The following PDHX variants were observed in gnomAD, a reference collection of about 807,000 sequenced individuals.
PDHX encodes pyruvate dehydrogenase complex component X.
Under a neutral mutation model 55.3 loss-of-function variants are expected in PDHX, and 33 were observed. That is an observed-to-expected ratio of 0.60 (90% CI 0.45 to 0.80). The LOEUF is 0.80. PDHX is among the 30% of genes least tolerant of loss of function. The pLI, the probability that PDHX is intolerant of heterozygous loss-of-function variation, is 0.00. For synonymous variants in PDHX, 226 were observed against 219.4 expected, an observed-to-expected ratio of 1.03 and a Z score of -0.27; for missense variants, 622 against 619.9, an observed-to-expected ratio of 1.00 and a Z score of -0.04.
rs1179399887 is a variant in PDHX, at chr11:34,951,049, CT to C, written c.342+3468del. Among the ~76,000 whole-genome samples the C allele has an allele frequency of 8.2e-3, 728 of 88,614 alleles. 1 individual carries two copies. The highest frequency in any genetic ancestry group is 0.01 in the African/African-American group (199 of 19,808). The allele number at this position is 88,614 out of a possible 152,430, so 58.1% of individuals were successfully genotyped here. ...CTCTCCAGCACCTTTTGTTTCCTGA[CT>C]TTTTTTTTTTTTTTTTTTTTTTTTG... On this transcript the variant is annotated intron_variant, in intron 3 of 10. Coordinates refer to ENST00000227868, the MANE Select transcript of PDHX (RefSeq NM_003477.3).
chr11:34,954,442 C>G (rs1854858125), intron 3 of PDHX, among the ~76,000 whole-genome samples: 1 of 152,178 alleles, frequency 6.6e-6, no homozygotes, highest in South Asian at 2.1e-4. Context: ...GAGAATGTCT[C>G]TGGTACAGAA....
chr11:34,928,461 C>A (rs536217723), intron 1 of PDHX, among the ~76,000 whole-genome samples: 1 of 150,956 alleles, frequency 6.6e-6, no homozygotes, highest in East Asian at 1.9e-4. Flanking sequence ...TTGCCCACCC[C>A]CCTCCTTTTT....
chr11:34,990,351 GTGA>G (rs529250690), intron 9 of PDHX, among the ~76,000 whole-genome samples: 74 of 152,278 alleles, frequency 4.9e-4, no homozygotes, highest in East Asian at 2.1e-3. Flanking sequence ...GGAGATCCCA[GTGA>G]TGATTACAAA....
intron 5 of PDHX, among the ~76,000 whole-genome samples, chr11:34,965,737 C>G (rs1410353443): frequency 6.6e-6 from 1 of 152,098 alleles, no homozygotes; most frequent in African/African-American, 2.4e-5. Context: ...TAGCTTTTAT[C>G]TTTCATCAAA....
chr11:34,947,437 C>A, intron 2 of PDHX, 69 bp from the exon 3 acceptor site: 1 of 988,460 alleles, frequency 1.0e-6, no homozygotes, highest in South Asian at 1.4e-5. Context: ...ATGTTTTATT[C>A]ATACGTACAT....
chr11:34,943,475 G>T (rs1854540372), intron 2 of PDHX, among the ~76,000 whole-genome samples: 1 of 152,082 alleles, frequency 6.6e-6, no homozygotes, highest in East Asian at 1.9e-4. Context: ...TAATTGCTGG[G>T]TTTACTAGTT....
intron 8 of PDHX, 142 bp from the exon 9 acceptor site, chr11:34,984,428 C>T (rs1855595726): frequency 1.5e-6 from 1 of 674,738 alleles, no homozygotes; most frequent in Admixed American, 2.6e-5. Flanking sequence ...GAACTCCATA[C>T]CATTTTTTCA....
At chr11:34,984,245 G>A (rs945050411) in intron 8 of PDHX, among the ~76,000 whole-genome samples, 1 of 152,120 alleles carries the variant, frequency 6.6e-6, no homozygotes, top group Non-Finnish European at 1.5e-5. Context: ...TATCATATGA[G>A]GTAGGAAGTA....
At chr11:34,962,199 G>A (rs1417871933) in intron 5 of PDHX, among the ~76,000 whole-genome samples, 1 of 152,164 alleles carries the variant, frequency 6.6e-6, no homozygotes, top group Non-Finnish European at 1.5e-5. Flanking sequence ...AAGATAAACT[G>A]GAGCAGAAAA....
chr11:34,937,804 C>A (rs570261836), intron 2 of PDHX, among the ~76,000 whole-genome samples: 1 of 152,134 alleles, frequency 6.6e-6, no homozygotes, highest in Non-Finnish European at 1.5e-5. Context: ...CTGGGCTGAT[C>A]GCCTCCCTGG....
intron 9 of PDHX, among the ~76,000 whole-genome samples, chr11:34,989,418 G>A (rs1328797075): frequency 6.6e-6 from 1 of 152,182 alleles, no homozygotes; most frequent in African/African-American, 2.4e-5. Flanking sequence ...GAGTCAAACG[G>A]GAGAGTACTC....
At chr11:34,961,123 T>C (rs1855014262) in intron 5 of PDHX, among the ~76,000 whole-genome samples, 1 of 152,236 alleles carries the variant, frequency 6.6e-6, no homozygotes, top group Non-Finnish European at 1.5e-5. Context: ...TTTATTATTC[T>C]TCCAAATGAA....
chr11:34,984,116 T>A (rs113865698), intron 8 of PDHX, among the ~76,000 whole-genome samples: 7,171 of 152,186 alleles, frequency 0.047, 537 homozygotes, highest in African/African-American at 0.16. Flanking sequence ...TAAATAGGGA[T>A]GTCATGTATT....
intron 10 of PDHX, among the ~76,000 whole-genome samples, chr11:34,993,202 C>A (rs1398789308): frequency 6.6e-6 from 1 of 151,436 alleles, no homozygotes; most frequent in Non-Finnish European, 1.5e-5. Flanking sequence ...ATATACAGAC[C>A]TTTATAGGAT....
intron 3 of PDHX, among the ~76,000 whole-genome samples, chr11:34,955,258 AAC>A (rs1854879431): frequency 2.0e-5 from 3 of 152,242 alleles, no homozygotes; most frequent in East Asian, 1.9e-4. Flanking sequence ...TTGGTTTTTA[AAC>A]AGTTTTGCAA....
chr11:34,976,212 T>C (rs963341997), intron 7 of PDHX, among the ~76,000 whole-genome samples: 1 of 152,178 alleles, frequency 6.6e-6, no homozygotes, highest in Non-Finnish European at 1.5e-5. Context: ...CCCCACATTA[T>C]CTATCTTCAC....
intron 9 of PDHX, among the ~76,000 whole-genome samples, chr11:34,991,797 C>T (rs190807491): frequency 5.0e-4 from 75 of 150,594 alleles, no homozygotes; most frequent in African/African-American, 1.8e-3. Flanking sequence ...GAAATCTCAG[C>T]TACTCAGGAC....
chr11:34,985,363 C>G (rs1489017231), intron 9 of PDHX, among the ~76,000 whole-genome samples: 1 of 152,134 alleles, frequency 6.6e-6, no homozygotes, highest in Non-Finnish European at 1.5e-5. Context: ...ATCACTTGAA[C>G]CCAGGAGGCA....
intron 2 of PDHX, among the ~76,000 whole-genome samples, chr11:34,937,664 T>C (rs1425079807): frequency 1.3e-5 from 2 of 152,098 alleles, no homozygotes; most frequent in Non-Finnish European, 2.9e-5. Flanking sequence ...TTTAATGCCA[T>C]GTGATAACAG....
Sources: allele counts gnomAD v4.1 joint callset (sites outside exome capture counted in the v4.1 genomes callset), GRCh38; gene constraint gnomAD v4.1.1; transcripts MANE v1.5; gene names NCBI Gene and HGNC (gene_info 2026-07-23, HGNC 2026-07-21).